Variants in ZNF410 observed in about 807,000 individuals in gnomAD.
ZNF410 encodes another partner for ARF 1.
ZNF410 carries 18 observed loss-of-function variants against 54.8 expected under a neutral mutation model. That is an observed-to-expected ratio of 0.33 (90% CI 0.23 to 0.49). ZNF410 has a LOEUF of 0.49. Among genes scored for constraint, ZNF410 ranks in the 20% least tolerant of loss-of-function variants. ZNF410 has a pLI of 0.99. For missense variants in ZNF410, 405 were observed against 569.6 expected, an observed-to-expected ratio of 0.71 and a Z score of 2.94; for synonymous variants, 191 against 207.3, an observed-to-expected ratio of 0.92 and a Z score of 0.68.
intron 11 of ZNF410, 124 bp from the exon 12 acceptor site, chr14:73,931,379 A>G: frequency 1.3e-6 from 1 of 762,526 alleles, no homozygotes. Context: ...CTTTGGAAGT[A>G]GATAGCCTTC....
At chr14:73,898,695 T>C (rs571860970) in intron 5 of ZNF410, among the ~76,000 whole-genome samples, 1 of 152,390 alleles carries the variant, frequency 6.6e-6, no homozygotes, top group South Asian at 2.1e-4. Flanking sequence ...TAAGTCATTG[T>C]GGCAGAGGAT....
At chr14:73,910,221 C>T (rs2055556411) in intron 8 of ZNF410, among the ~76,000 whole-genome samples, 1 of 152,102 alleles carries the variant, frequency 6.6e-6, no homozygotes, top group Non-Finnish European at 1.5e-5. Context: ...GAGAACTTGG[C>T]TTACTGAAGA....
chr14:73,913,659 T>C (rs2055619891), intron 8 of ZNF410: 1 of 152,264 alleles, frequency 6.6e-6, no homozygotes, highest in African/African-American at 2.4e-5. Context: ...GCTCAGCTTT[T>C]TGGATGTGAA....
At chr14:73,931,125 C>T (rs566390343) in intron 11 of ZNF410, among the ~76,000 whole-genome samples, 1 of 152,102 alleles carries the variant, frequency 6.6e-6, no homozygotes, top group Non-Finnish European at 1.5e-5. Context: ...ATTTCCTTCT[C>T]CTACTTGAGC....
At chr14:73,927,631 C>T (rs753550535) in intron 11 of ZNF410, among the ~76,000 whole-genome samples, 5 of 152,084 alleles carry the variant, frequency 3.3e-5, no homozygotes, top group Non-Finnish European at 5.9e-5. Context: ...AAATTTAATT[C>T]ATTCAGCGGC....
chr14:73,928,054 G>T lies in ZNF410; in HGVS notation c.1399-3449G>T, dbSNP rs943331052. ...GGGTTTCATCATGTTGGCCAGGCTG[G>T]TCTCAAACTCCTGACCTTAGGTGAT... On this transcript the variant is annotated intron_variant, in intron 11 of 11. Coordinates refer to ENST00000555044, the MANE Select transcript of ZNF410 (RefSeq NM_021188.3). The T allele has an allele frequency of 1.1e-3, 174 of 157,940 alleles. 1 individual carries two copies. Among genetic ancestry groups the T allele is most frequent in the Middle Eastern group, 6.3e-3 (2 of 316 alleles). 9.8% of individuals were successfully genotyped at this position (157,940 alleles called of 1,614,324 possible).
At chr14:73,890,376 C>T (rs911873980) in intron 1 of ZNF410, among the ~76,000 whole-genome samples, 7 of 151,364 alleles carry the variant, frequency 4.6e-5, no homozygotes, top group East Asian at 2.0e-4. Flanking sequence ...TTAGTAGAGA[C>T]GGGGTTTCGC....
rs1347470016 is a variant in ZNF410 at position 73,894,574 on chromosome 14, G to A, written c.169+642G>A. 2.6e-5 allele frequency among the ~76,000 whole-genome samples: 4 copies of A among 151,994 alleles called. 1 individual carries two copies. Among genetic ancestry groups the A allele is most frequent in the African/African-American group, 9.6e-5 (4 of 41,500 alleles). On this transcript the variant is annotated intron_variant, in intron 3 of 11. Coordinates refer to ENST00000555044, the MANE Select transcript of ZNF410 (RefSeq NM_021188.3). The stretch of plus-strand genomic sequence containing the variant: ...CCTAAGTAGCTGGGATTACAGGTGC[G>A]TGCCACTATGCCTGGCTAATTTTTG...
intron 7 of ZNF410, among the ~76,000 whole-genome samples, chr14:73,908,800 T>C (rs1012426406): frequency 2.0e-5 from 3 of 151,890 alleles, no homozygotes; most frequent in South Asian, 4.2e-4. Context: ...TCACACTAGT[T>C]TGTGACCCTT....
intron 3 of ZNF410, chr14:73,895,529 A>T (rs2055303984): frequency 7.1e-6 from 1 of 139,992 alleles, no homozygotes; most frequent in Admixed American, 7.3e-5. Context: ...TTCATCAACT[A>T]ATGAATGCAT....
intron 7 of ZNF410, among the ~76,000 whole-genome samples, chr14:73,907,541 G>A (rs947264859): frequency 2.0e-5 from 3 of 151,880 alleles, no homozygotes; most frequent in African/African-American, 7.3e-5. Context: ...GTTGCAGTGA[G>A]CCGAGATTGC....
chr14:73,899,706 C>T (rs759533091), intron 5 of ZNF410, among the ~76,000 whole-genome samples: 11 of 152,310 alleles, frequency 7.2e-5, no homozygotes, highest in Middle Eastern at 3.4e-3. Context: ...GGCAGTTTAA[C>T]CTCCCTTAGC....
chr14:73,928,622 CAG>C (rs941736174), intron 11 of ZNF410, among the ~76,000 whole-genome samples: 1 of 152,120 alleles, frequency 6.6e-6, no homozygotes, highest in Non-Finnish European at 1.5e-5. Context: ...CTTACAGCCT[CAG>C]GGAGACAGCA....
chr14:73,915,110 A>G (rs951054408), intron 8 of ZNF410, among the ~76,000 whole-genome samples: 2 of 150,888 alleles, frequency 1.3e-5, no homozygotes, highest in African/African-American at 2.4e-5. Context: ...TAAAAATACA[A>G]AATTATCCAG....
intron 11 of ZNF410, chr14:73,924,821 T>G (rs1472282115): frequency 2.8e-6 from 1 of 351,460 alleles, no homozygotes; most frequent in East Asian, 9.1e-5. Flanking sequence ...CTACTACAGG[T>G]GCGTGCCACC....
chr14:73,904,062 G>A lies in ZNF410; in HGVS notation c.683G>A (p.Arg228Gln), dbSNP rs764400438. ...KLKCTVEGCD[R>Q]TFVWPAHFKY... The stretch of plus-strand genomic sequence containing the variant: ...AAGTGTACAGTTGAAGGTTGTGACC[G>A]GACATTTGTATGGCCAGCTCACTTT... The change falls in exon 6 of 12, where the codon CGG becomes CAG. Residue 228 changes from arginine (R) to glutamine (Q), a missense_variant. Arg to Gln is a conservative substitution (Grantham distance 43, BLOSUM62 1). Coordinates refer to ENST00000555044, the MANE Select transcript of ZNF410 (RefSeq NM_021188.3). The A allele has an allele frequency of 3.1e-6, 5 of 1,614,078 alleles. No homozygotes were observed. Among genetic ancestry groups the A allele is most frequent in the South Asian group, 1.1e-5 (1 of 91,068 alleles).
At chr14:73,903,367 AT>A (rs1486917326) in intron 5 of ZNF410, among the ~76,000 whole-genome samples, 1 of 152,242 alleles carries the variant, frequency 6.6e-6, no homozygotes, top group Non-Finnish European at 1.5e-5. Flanking sequence ...ATAGCAAACC[AT>A]TTTGGATATC....
At chr14:73,902,657 T>C (rs911654820) in intron 5 of ZNF410, among the ~76,000 whole-genome samples, 5 of 152,200 alleles carry the variant, frequency 3.3e-5, no homozygotes, top group Non-Finnish European at 1.5e-5. Flanking sequence ...TGCTAAGGTA[T>C]ATATAGTGGA....
chr14:73,916,118 A>C (rs1278222448), intron 8 of ZNF410: 1 of 151,796 alleles, frequency 6.6e-6, no homozygotes, highest in Non-Finnish European at 1.5e-5. Flanking sequence ...GGAGGGAAGG[A>C]AGGAAGGATG....
Sources: gnomAD v4.1 joint callset for allele counts (sites outside exome capture counted in the v4.1 genomes callset) on GRCh38, gnomAD v4.1.1 for gene constraint, MANE v1.5 for transcripts, NCBI Gene and HGNC (gene_info 2026-07-23, HGNC 2026-07-21) for gene names.